The following LMO7 variants were observed in gnomAD, a reference collection of about 807,000 sequenced individuals.
LMO7 encodes LIM domain 7.
A neutral mutation model predicts 206.5 loss-of-function variants in LMO7; 120 were observed. The ratio of observed to expected loss-of-function variants is 0.58; its 90% confidence interval spans 0.50 to 0.68. The LOEUF (loss-of-function observed/expected upper bound fraction) is 0.68, where lower values mean the gene tolerates loss of function less well. Among genes scored for constraint, LMO7 ranks in the 30% least tolerant of loss-of-function variants. LMO7 has a pLI of 0.00. For synonymous variants in LMO7, 706 were observed against 681.5 expected (o/e 1.04, Z -0.56); for missense variants, 1,959 against 1,957.9 (o/e 1.00, Z -0.01).
chr13:75,795,423 G>C lies in LMO7; in HGVS notation c.340G>C (p.Val114Leu). ...TVKQEETDRR[V>L]KNVLITLYWL... ...CAGGCAAGAAGAGACTGACAGGAGA[G>C]TGAAAAATGTAAGATACATTTACCT... The change falls in exon 5 of 31, where the codon GTG (valine) becomes CTG (leucine). Residue 114 changes from valine (V) to leucine (L), a missense_variant. Physicochemically the swap from Val to Leu is conservative, Grantham distance 32. Coordinates refer to ENST00000377534, the MANE Select transcript of LMO7 (RefSeq NM_001306080.2). 1 of 1,590,262 alleles carries C rather than the reference G, an allele frequency of 6.3e-7. No individual in the cohort carries two copies. The highest frequency in any genetic ancestry group is 8.6e-7 in the Non-Finnish European group (1 of 1,163,008).
Position 75,809,175 on chromosome 13 carries a change from T to G in LMO7, c.1938T>G (p.Gly646=). 1 of 1,612,458 alleles carries G rather than the reference T, an allele frequency of 6.2e-7. No homozygotes were observed. Among genetic ancestry groups the G allele is most frequent in the Non-Finnish European group, 8.5e-7 (1 of 1,178,716 alleles). ...TTAGACTCTTTCAAAAGATTTATGG[T>G]GAGAATGGGTAAGTTGTGTGGTTCA... ...MVERLFQKIY[G]ENGSKSMSDV... is the part of the protein sequence containing the mutation. The change falls in exon 11 of 31, where the codon GGT becomes GGG. Residue 646 remains glycine (G), a synonymous_variant. Coordinates refer to ENST00000377534, the MANE Select transcript of LMO7 (RefSeq NM_001306080.2).
chr13:75,783,060 C>A (rs1183265348), intron 4 of LMO7, among the ~76,000 whole-genome samples: 1 of 152,142 alleles, frequency 6.6e-6, no homozygotes, highest in African/African-American at 2.4e-5. Flanking sequence ...ACAAAGAATT[C>A]AAAATGGAAT....
intron 17 of LMO7, 148 bp downstream of exon 17, chr13:75,834,535 G>A: frequency 1.8e-6 from 1 of 550,284 alleles, no homozygotes; most frequent in Non-Finnish European, 3.1e-6. Flanking sequence ...GACAAATCTT[G>A]AACCCTACCC....
In LMO7 at chr13:75,822,762, CTATATATATA is replaced by C. The variant is rs66789925; in HGVS notation, c.2641-778_2641-769del. Among the ~76,000 whole-genome samples the C allele has an allele frequency of 2.3e-3, 253 of 108,442 alleles. 4 individuals carry two copies. The highest frequency in any genetic ancestry group is 7.4e-3 in the African/African-American group (204 of 27,454). 71.1% of individuals were successfully genotyped at this position (108,442 alleles called of 152,430 possible). ...GTGTTGCTACAATTATTTTTAGAAA[CTATATATATA>C]TATATATATATATATATATATATAG... On this transcript the variant is annotated intron_variant, in intron 14 of 30. Transcript: ENST00000377534.
rs905846617 is a variant in LMO7, at chr13:75,747,788, G to T, written c.211-13144G>T. ...GGCAAGGAAGAATTAGGTTGCAGAT[G>T]GGATTGCGGTTGCTAATCAGTTGAT... is the stretch of plus-strand genomic sequence containing the variant. On this transcript the variant is annotated intron_variant, in intron 3 of 30. Coordinates refer to ENST00000377534, the MANE Select transcript of LMO7 (RefSeq NM_001306080.2). Among the ~76,000 whole-genome samples the T allele has an allele frequency of 1.7e-4, 26 of 152,196 alleles. 1 individual carries two copies. Among genetic ancestry groups the T allele is most frequent in the African/African-American group, 9.6e-5 (4 of 41,452 alleles).
At chr13:75,841,311 C>T in intron 23 of LMO7, 110 bp downstream of exon 23, 1 of 692,262 alleles carries the variant, frequency 1.4e-6, no homozygotes, top group Admixed American at 3.1e-5. Context: ...ATATGTTCAC[C>T]TGTGTAGCTC....
intron 13 of LMO7, among the ~76,000 whole-genome samples, chr13:75,819,744 G>A (rs1242834317): frequency 6.6e-6 from 1 of 152,178 alleles, no homozygotes; most frequent in Non-Finnish European, 1.5e-5. Flanking sequence ...CAAAATAAAT[G>A]AGGACTTAAA....
intron 4 of LMO7, among the ~76,000 whole-genome samples, chr13:75,763,260 C>T (rs1299604763): frequency 1.3e-5 from 2 of 152,062 alleles, no homozygotes; most frequent in African/African-American, 4.8e-5. Flanking sequence ...CACTTTAATG[C>T]ACGGGATAGC....
intron 3 of LMO7, among the ~76,000 whole-genome samples, chr13:75,753,873 AT>A (rs2047466922): frequency 6.6e-6 from 1 of 152,218 alleles, no homozygotes; most frequent in Non-Finnish European, 1.5e-5. Context: ...CTAGACATTT[AT>A]ATTTTTAAAC....
chr13:75,739,682 C>T (rs1040302331), intron 3 of LMO7, among the ~76,000 whole-genome samples: 2 of 152,200 alleles, frequency 1.3e-5, no homozygotes, highest in Admixed American at 1.3e-4. Context: ...GTGTGACCTG[C>T]TCTATGTGGT....
chr13:75,857,777 A>G, intron 30 of LMO7, 144 bp from the exon 31 acceptor site: 1 of 457,974 alleles, frequency 2.2e-6, no homozygotes, highest in Non-Finnish European at 3.9e-6. Context: ...AGACTTGCCT[A>G]GCTTTATCCT....
chr13:75,686,721 T>C (rs1281888359), intron 1 of LMO7, among the ~76,000 whole-genome samples: 1 of 152,028 alleles, frequency 6.6e-6, no homozygotes. Context: ...GATGTGCAAA[T>C]GTGTGGTTAG....
At chr13:75,750,522 T>G (rs1341818746) in intron 3 of LMO7, among the ~76,000 whole-genome samples, 1 of 151,762 alleles carries the variant, frequency 6.6e-6, no homozygotes, top group Non-Finnish European at 1.5e-5. Flanking sequence ...CCCAAGTAGC[T>G]AGGACTACAG....
intron 11 of LMO7, among the ~76,000 whole-genome samples, chr13:75,810,171 A>G (rs542718675): frequency 2.6e-5 from 4 of 152,298 alleles, no homozygotes; most frequent in South Asian, 2.1e-4. Context: ...CAAGGTGGCT[A>G]TATCTTAATA....
intron 12 of LMO7, 101 bp from the exon 13 acceptor site, chr13:75,819,292 A>G (rs1361576381): frequency 5.9e-6 from 8 of 1,353,476 alleles, no homozygotes; most frequent in African/African-American, 1.5e-5. Context: ...GTTGGAGTGA[A>G]TAGTTTCAGT....
intron 1 of LMO7, among the ~76,000 whole-genome samples, chr13:75,639,942 G>C (rs1026034124): frequency 6.6e-6 from 1 of 152,110 alleles, no homozygotes; most frequent in Non-Finnish European, 1.5e-5. Flanking sequence ...TGCCAAGTCT[G>C]GCACTAGAAT....
At chr13:75,762,382 C>T (rs1394175836) in intron 4 of LMO7, among the ~76,000 whole-genome samples, 1 of 152,064 alleles carries the variant, frequency 6.6e-6, no homozygotes, top group Non-Finnish European at 1.5e-5. Context: ...CTTCATAAGG[C>T]CTATCTGATG....
chr13:75,858,415 ATCTAT>A lies in LMO7; in HGVS notation c.*473_*477del, dbSNP rs1288932763. 2.6e-5 allele frequency: 4 copies of A among 152,772 alleles called. No homozygotes were observed. The highest frequency in any genetic ancestry group is 1.3e-4 in the Admixed American group (2 of 15,290). 9.5% of individuals were successfully genotyped at this position (152,772 alleles called of 1,614,324 possible). A position where few individuals can be genotyped will look rare whatever the true frequency, so the allele number is the denominator to read the frequency against. Reference sequence around the variant, plus strand: ...GAACCATATGGAAAATTTCATTAAAATCTATCCCCAAATGTGCTTTCTGTATCCTT... The same window carrying A: ...GAACCATATGGAAAATTTCATTAAAACCCCAAATGTGCTTTCTGTATCCTT... On this transcript the variant is annotated 3_prime_UTR_variant, in exon 31 of 31. Coordinates refer to ENST00000377534, the MANE Select transcript of LMO7 (RefSeq NM_001306080.2).
Position 75,858,664 on chromosome 13 carries a change from G to T in LMO7, c.*721G>T, listed in dbSNP as rs1341905838. On this transcript the variant is annotated 3_prime_UTR_variant, in exon 31 of 31. Coordinates refer to ENST00000377534, the MANE Select transcript of LMO7 (RefSeq NM_001306080.2). Reference sequence around the variant, plus strand: ...TTCAATTGCATTTGTAAATAAACTTGCTGATGCATTTAACGAGTGGGTCGT... The same window carrying T: ...TTCAATTGCATTTGTAAATAAACTTTCTGATGCATTTAACGAGTGGGTCGT... 2 of 152,582 alleles carry T rather than the reference G, an allele frequency of 1.3e-5. No homozygotes were observed. Among genetic ancestry groups the T allele is most frequent in the African/African-American group, 4.8e-5 (2 of 41,418 alleles). 9.5% of individuals were successfully genotyped at this position (152,582 alleles called of 1,614,324 possible). A position where few individuals can be genotyped will look rare whatever the true frequency, so the allele number is the denominator to read the frequency against.
Sources: allele counts gnomAD v4.1 joint callset (sites outside exome capture counted in the v4.1 genomes callset), GRCh38; gene constraint gnomAD v4.1.1; transcripts MANE v1.5; gene names NCBI Gene and HGNC (gene_info 2026-07-23, HGNC 2026-07-21).